FBRSL1: variants seen among roughly 807,000 people sequenced by gnomAD.
FBRSL1 encodes the protein fibrosin like 1, also known as fibrosin-1-like protein.
In FBRSL1, 51 loss-of-function variants were observed where a neutral mutation model predicts 89.6. The observed-to-expected ratio is 0.57, with a 90% CI of 0.45 to 0.72. FBRSL1 has a LOEUF of 0.72. Among genes scored for constraint, FBRSL1 ranks in the 30% least tolerant of loss-of-function variants. FBRSL1 has a pLI of 0.00. For missense variants in FBRSL1, 1,618 were observed against 1,451.8 expected (o/e 1.11, Z -1.86); for synonymous variants, 779 against 681.1 (o/e 1.14, Z -2.24).
At chr12:132,506,144 G>C (rs2033658578) in intron 1 of FBRSL1, among the ~76,000 whole-genome samples, 1 of 152,190 alleles carries the variant, frequency 6.6e-6, no homozygotes, top group Non-Finnish European at 1.5e-5. Flanking sequence ...TGGACATTCT[G>C]GTGGGGGTCA....
chr12:132,512,300 G>A (rs536794192), intron 2 of FBRSL1, among the ~76,000 whole-genome samples: 4 of 152,254 alleles, frequency 2.6e-5, no homozygotes, highest in Non-Finnish European at 5.9e-5. Flanking sequence ...TCAGCTCAGA[G>A]TCCTCTGCAT....
intron 18 of FBRSL1, 147 bp downstream of exon 18, chr12:132,582,413 C>T: frequency 1.7e-6 from 1 of 601,890 alleles, no homozygotes; most frequent in South Asian, 1.8e-5. Context: ...TTCCCCTTCC[C>T]CGTTCCCCCT....
At chr12:132,573,477 C>T (rs2040179788) in intron 11 of FBRSL1, among the ~76,000 whole-genome samples, 1 of 152,182 alleles carries the variant, frequency 6.6e-6, no homozygotes, top group African/African-American at 2.4e-5. Flanking sequence ...TGTATGTGGC[C>T]CACCTGCAGG....
rs1470516751 is a variant in FBRSL1, at chr12:132,581,431, C to T, written c.1835-8C>T. 4.5e-6 allele frequency: 7 copies of T among 1,550,924 alleles called. No individual in the cohort carries two copies. The Admixed American group carries it at 7.8e-5, about 17-fold the overall frequency. On this transcript the variant is annotated splice_polypyrimidine_tract_variant and splice_region_variant and intron_variant, in intron 15 of 18. Transcript: ENST00000680143. ...CTGGCTTCTGTCAAACCTGGCTGCC[C>T]CCCCCAGGTGCCGCCCATCCTGCCT...
At chr12:132,578,982 C>T (rs1053613940) in intron 15 of FBRSL1, among the ~76,000 whole-genome samples, 10 of 152,222 alleles carry the variant, frequency 6.6e-5, no homozygotes, top group South Asian at 6.2e-4. Flanking sequence ...CCCCCGGACA[C>T]GTGCTCAGTG....
intron 4 of FBRSL1, among the ~76,000 whole-genome samples, chr12:132,532,484 C>T (rs2137040028): frequency 6.6e-6 from 1 of 152,300 alleles, no homozygotes; most frequent in South Asian, 2.1e-4. Flanking sequence ...ACCCACTTGG[C>T]CACAGCCCCC....
chr12:132,527,728 G>A lies in FBRSL1; in HGVS notation c.580-225G>A, dbSNP rs545523602. On this transcript the variant is annotated intron_variant, in intron 3 of 18. Transcript: ENST00000680143. ...GCTGTGGGGCAGGGTTGTGGGCTGC[G>A]GGGCAGGGTTGAGGGCTGTGGGGCT... Among the ~76,000 whole-genome samples, 295 of 141,594 alleles carry A rather than the reference G, an allele frequency of 2.1e-3. 3 individuals are homozygous for A. Among genetic ancestry groups the A allele is most frequent in the Middle Eastern group, 0.012 (3 of 256 alleles). The allele number at this position is 141,594 out of a possible 152,430, so 92.9% of individuals were successfully genotyped here.
chr12:132,581,918 C>T (rs1005710826), intron 17 of FBRSL1, 94 bp downstream of exon 17: 261 of 1,349,252 alleles, frequency 1.9e-4, no homozygotes, highest in East Asian at 1.1e-3. Context: ...TGGCTGACCT[C>T]CCTCCTCTCT....
intron 14 of FBRSL1, among the ~76,000 whole-genome samples, chr12:132,575,877 G>GC (rs1349801651): frequency 1.3e-5 from 2 of 152,254 alleles, no homozygotes; most frequent in African/African-American, 2.4e-5. Context: ...GTGCGGGTCA[G>GC]AGGCAGGACA....
chr12:132,525,322 C>T (rs1340897222), intron 2 of FBRSL1, among the ~76,000 whole-genome samples: 1 of 152,210 alleles, frequency 6.6e-6, no homozygotes, highest in Non-Finnish European at 1.5e-5. Context: ...TGCGAACCAG[C>T]CAGGGTGTGG....
At chr12:132,556,854 CT>C (rs2038716285) in intron 5 of FBRSL1, among the ~76,000 whole-genome samples, 1 of 107,750 alleles carries the variant, frequency 9.3e-6, no homozygotes, top group Non-Finnish European at 2.2e-5. Context: ...GGCCCTTGTG[CT>C]GCCCCCCAAA....
At chr12:132,562,465 C>T (rs74476306) in intron 5 of FBRSL1, among the ~76,000 whole-genome samples, 1,283 of 116,782 alleles carry the variant, frequency 0.011, 13 homozygotes, top group African/African-American at 0.036. Flanking sequence ...GCAGAAACAA[C>T]CTCCTCAGAA....
At chr12:132,532,998 TC>T (rs2036418993) in intron 4 of FBRSL1, among the ~76,000 whole-genome samples, 1 of 152,160 alleles carries the variant, frequency 6.6e-6, no homozygotes, top group South Asian at 2.1e-4. Context: ...ATTACGGGGC[TC>T]CTTGGGCCTC....
chr12:132,561,768 G>A (rs2039150919), intron 5 of FBRSL1, among the ~76,000 whole-genome samples: 1 of 152,186 alleles, frequency 6.6e-6, no homozygotes, highest in African/African-American at 2.4e-5. Flanking sequence ...CTCAGATGAG[G>A]GGTCCAGAAG....
At chr12:132,502,683 GCCC>G (rs2033136628) in intron 1 of FBRSL1, among the ~76,000 whole-genome samples, 2 of 151,672 alleles carry the variant, frequency 1.3e-5, no homozygotes, top group Admixed American at 1.3e-4. Context: ...ACACCAGCCT[GCCC>G]CTTACACCAT....
intron 2 of FBRSL1, chr12:132,509,633 C>T (rs2034096123): frequency 8.1e-7 from 1 of 1,231,364 alleles, no homozygotes; most frequent in Non-Finnish European, 1.0e-6. Context: ...TCCCCTGCCT[C>T]TACTGCCGGC....
At chr12:132,500,717 G>A (rs1040155279) in intron 1 of FBRSL1, among the ~76,000 whole-genome samples, 1 of 151,568 alleles carries the variant, frequency 6.6e-6, no homozygotes, top group Non-Finnish European at 1.5e-5. Flanking sequence ...TGCAGACTCC[G>A]TCCAGCCCGG....
rs2040971527 is a variant in FBRSL1 at position 132,583,886 on chromosome 12, C to T, written c.*108C>T. The stretch of plus-strand genomic sequence containing the variant: ...CGCCGATCCTGGGGCGGCGCCGCCT[C>T]TCCACCCGCAGCCTGCGGAGGCGGG... On this transcript the variant is annotated 3_prime_UTR_variant, in exon 19 of 19. Transcript: ENST00000680143. 3 of 528,638 alleles carry T rather than the reference C, an allele frequency of 5.7e-6. No individual in the cohort carries two copies. Among genetic ancestry groups the T allele is most frequent in the East Asian group, 1.1e-4 (2 of 17,740 alleles). 32.7% of individuals were successfully genotyped at this position (528,638 alleles called of 1,614,324 possible). A position where few individuals can be genotyped will look rare whatever the true frequency, so the allele number is the denominator to read the frequency against.
At chr12:132,574,254 C>T (rs903156896) in intron 12 of FBRSL1, 65 bp from the exon 13 acceptor site, 81 of 1,464,110 alleles carry the variant, frequency 5.5e-5, no homozygotes, top group Admixed American at 4.2e-4. Context: ...GGCTGTGTCC[C>T]CTGCACCCCC....
Sources: gnomAD v4.1 joint callset for allele counts (sites outside exome capture counted in the v4.1 genomes callset) on GRCh38, gnomAD v4.1.1 for gene constraint, MANE v1.5 for transcripts, NCBI Gene and HGNC (gene_info 2026-07-23, HGNC 2026-07-21) for gene names.